The following ASPH variants were observed in gnomAD, a reference collection of about 807,000 sequenced individuals.
ASPH encodes aspartate beta-hydroxylase.
In ASPH, 100 loss-of-function variants were observed where a neutral mutation model predicts 118.4. That is an observed-to-expected ratio of 0.84 (90% CI 0.72 to 1.00). The LOEUF (loss-of-function observed/expected upper bound fraction) is 1.00, where lower values mean the gene tolerates loss of function less well. Among genes scored for constraint, ASPH ranks in the 50% least tolerant of loss-of-function variants. The probability of loss-of-function intolerance (pLI) is 0.00; values close to 1 mark genes in which losing one functional copy is unlikely to be tolerated. For synonymous variants in ASPH, 315 were observed against 325.6 expected, an observed-to-expected ratio of 0.97 and a Z score of 0.35; for missense variants, 920 against 919.5, an observed-to-expected ratio of 1.00 and a Z score of -0.01.
At chr8:61,643,796 T>G (rs1183621668) in intron 8 of ASPH, 149 bp downstream of exon 8, 2 of 708,894 alleles carry the variant, frequency 2.8e-6, no homozygotes, top group Non-Finnish European at 4.9e-6. Context: ...TATTCAGACA[T>G]TTCTATAAAC....
intron 24 of ASPH, among the ~76,000 whole-genome samples, chr8:61,510,508 A>C (rs1448197182): frequency 6.6e-6 from 1 of 152,222 alleles, no homozygotes; most frequent in Non-Finnish European, 1.5e-5. Flanking sequence ...ATCATTTACT[A>C]TTGCCAGAGA....
chr8:61,624,460 T>C (rs776438728), intron 13 of ASPH: 1 of 976,978 alleles, frequency 1.0e-6, no homozygotes, highest in Non-Finnish European at 1.2e-6. Flanking sequence ...TCTAAAATAC[T>C]AGTAAGGATA....
intron 19 of ASPH, among the ~76,000 whole-genome samples, chr8:61,554,551 T>G (rs982335623): frequency 1.3e-5 from 2 of 152,172 alleles, no homozygotes; most frequent in Non-Finnish European, 2.9e-5. Flanking sequence ...TACTGCTAAA[T>G]TAAAATAAAA....
At chr8:61,598,208 C>T (rs904144673) in intron 14 of ASPH, among the ~76,000 whole-genome samples, 4 of 152,106 alleles carry the variant, frequency 2.6e-5, no homozygotes, top group Non-Finnish European at 5.9e-5. Flanking sequence ...AAAACACATA[C>T]CACAACTATA....
intron 3 of ASPH, among the ~76,000 whole-genome samples, chr8:61,654,166 T>A (rs1223007384): frequency 1.3e-5 from 2 of 152,198 alleles, no homozygotes; most frequent in Admixed American, 6.5e-5. Context: ...AGGAAACCCC[T>A]ACAAGTAATC....
chr8:61,516,669 T>C (rs1053661210), intron 24 of ASPH, among the ~76,000 whole-genome samples: 1 of 152,220 alleles, frequency 6.6e-6, no homozygotes, highest in Non-Finnish European at 1.5e-5. Context: ...TGAGGATATA[T>C]ACTCTGAGAG....
chr8:61,524,788 A>G (rs1814628097), intron 22 of ASPH, among the ~76,000 whole-genome samples: 1 of 151,800 alleles, frequency 6.6e-6, no homozygotes, highest in African/African-American at 2.4e-5. Flanking sequence ...CAGTTTCTAG[A>G]AATTAGTGCT....
chr8:61,564,075 G>C (rs995867549), intron 17 of ASPH, among the ~76,000 whole-genome samples: 3 of 152,180 alleles, frequency 2.0e-5, no homozygotes, highest in African/African-American at 7.2e-5. Context: ...CGAGGACAGG[G>C]TGAGGCCAGA....
At chr8:61,616,628 T>A (rs1420730804) in intron 14 of ASPH, among the ~76,000 whole-genome samples, 1 of 152,194 alleles carries the variant, frequency 6.6e-6, no homozygotes. Flanking sequence ...TCTAACTGTA[T>A]CTTACACACT....
Position 61,624,087 on chromosome 8 carries a change from A to T in ASPH, c.935-5068T>A, listed in dbSNP as rs1234558612. ...AATGGGTACAAAAATATAGTTATAT[A>T]CAATGAATAAGATCTAGTATTTGAT... On this transcript the variant is annotated intron_variant, in intron 13 of 24. Coordinates refer to ENST00000379454, the MANE Select transcript of ASPH (RefSeq NM_004318.4). 7 of 451,170 alleles carry T rather than the reference A, an allele frequency of 1.6e-5. 1 individual carries two copies. The highest frequency in any genetic ancestry group is 2.1e-5 in the Non-Finnish European group (7 of 341,346). The allele number at this position is 451,170 out of a possible 1,614,324, so 27.9% of individuals were successfully genotyped here.
At chr8:61,505,073 T>A (rs1287001493) in intron 24 of ASPH, among the ~76,000 whole-genome samples, 1 of 152,148 alleles carries the variant, frequency 6.6e-6, no homozygotes, top group Non-Finnish European at 1.5e-5. Context: ...TGAGAGATAA[T>A]TTGAATCATG....
At chr8:61,621,768 T>C (rs1234665710) in intron 13 of ASPH, among the ~76,000 whole-genome samples, 1 of 152,264 alleles carries the variant, frequency 6.6e-6, no homozygotes, top group African/African-American at 2.4e-5. Flanking sequence ...AATCACACTC[T>C]ATATCCCAGT....
intron 21 of ASPH, among the ~76,000 whole-genome samples, chr8:61,536,035 G>A: frequency 8.2e-6 from 1 of 122,508 alleles, no homozygotes; most frequent in South Asian, 2.8e-4. Flanking sequence ...GAAAACAGGT[G>A]ACTTTTTTTT....
At chr8:61,668,991 A>T (rs1821059775) in intron 3 of ASPH, among the ~76,000 whole-genome samples, 1 of 152,194 alleles carries the variant, frequency 6.6e-6, no homozygotes, top group Non-Finnish European at 1.5e-5. Flanking sequence ...TCTCAGTCAC[A>T]TAAAGGCTGG....
At chr8:61,609,345 A>G (rs931863952) in intron 14 of ASPH, among the ~76,000 whole-genome samples, 1 of 151,204 alleles carries the variant, frequency 6.6e-6, no homozygotes, top group African/African-American at 2.4e-5. Flanking sequence ...CGTATTTCTG[A>G]GACAGATTTG....
At chr8:61,610,381 C>A (rs1306312344) in intron 14 of ASPH, among the ~76,000 whole-genome samples, 1 of 152,202 alleles carries the variant, frequency 6.6e-6, no homozygotes, top group Non-Finnish European at 1.5e-5. Flanking sequence ...CTCTACTATA[C>A]TTGCTAAGAC....
intron 21 of ASPH, among the ~76,000 whole-genome samples, chr8:61,533,942 C>A (rs148363888): frequency 1.4e-3 from 206 of 152,184 alleles, no homozygotes; most frequent in Non-Finnish European, 2.4e-3. Context: ...TTTGTTTAAT[C>A]CTTCTTGACT....
At chr8:61,651,714 A>G (rs1191785649) in intron 4 of ASPH, among the ~76,000 whole-genome samples, 3 of 152,254 alleles carry the variant, frequency 2.0e-5, no homozygotes, top group Non-Finnish European at 2.9e-5. Context: ...TTGGAGAACC[A>G]CATCTGACAC....
At position 61,647,520 on chromosome 8, in the gene ASPH, A is replaced by C. The variant is rs919573487; in HGVS notation, c.491-642T>G. 4.0e-5 allele frequency among the ~76,000 whole-genome samples: 6 copies of C among 151,846 alleles called. No individual in the cohort carries two copies. The East Asian group carries it at 1.2e-3, about 29-fold the overall frequency. On this transcript the variant is annotated intron_variant, in intron 5 of 24. Transcript: ENST00000379454. ...ACCCCATCTCTACTAAAAATACAAAAATTAGTCATGCATGGTGGCACGTGC... is the reference window on the plus strand; with the variant it reads ...ACCCCATCTCTACTAAAAATACAAACATTAGTCATGCATGGTGGCACGTGC...
Sources: allele counts gnomAD v4.1 joint callset (sites outside exome capture counted in the v4.1 genomes callset), GRCh38; gene constraint gnomAD v4.1.1; transcripts MANE v1.5; gene names NCBI Gene and HGNC (gene_info 2026-07-23, HGNC 2026-07-21).